Variants in MACROD2 observed in about 807,000 individuals in gnomAD.
MACROD2 encodes the protein ADP-ribose glycohydrolase MACROD2.
MACROD2 carries 36 observed loss-of-function variants against 70.4 expected under a neutral mutation model. The observed-to-expected ratio is 0.51, with a 90% CI of 0.39 to 0.68. The LOEUF (loss-of-function observed/expected upper bound fraction) is 0.68. Among genes scored for constraint, MACROD2 ranks in the 30% least tolerant of loss-of-function variants. The pLI is 0.00. For synonymous variants in MACROD2, 172 were observed against 178.8 expected (o/e 0.96, Z 0.30); for missense variants, 496 against 538.4 (o/e 0.92, Z 0.78).
intron 8 of MACROD2, among the ~76,000 whole-genome samples, chr20:15,697,347 T>C (rs1282352222): frequency 6.6e-6 from 1 of 152,198 alleles, no homozygotes; most frequent in Non-Finnish European, 1.5e-5. Context: ...TTAATTTCCA[T>C]GTATTTGCAT....
chr20:15,746,556 T>G (rs1281410035), intron 8 of MACROD2, among the ~76,000 whole-genome samples: 1 of 135,232 alleles, frequency 7.4e-6, no homozygotes, highest in Non-Finnish European at 1.6e-5. Context: ...GTTGTTTGGT[T>G]TCCAGTAAAA....
chr20:14,560,360 C>T (rs1482327261), intron 4 of MACROD2, among the ~76,000 whole-genome samples: 1 of 148,672 alleles, frequency 6.7e-6, no homozygotes, highest in Non-Finnish European at 1.5e-5. Context: ...TGTGTGTATA[C>T]ATGCCCGGAT....
chr20:16,044,524 A>C, intron 16 of MACROD2, 47 bp from the exon 17 acceptor site: 1 of 1,514,538 alleles, frequency 6.6e-7, no homozygotes, highest in African/African-American at 1.4e-5. Context: ...TGTCTCAGAG[A>C]TTTAGGTTTA....
intron 6 of MACROD2, chr20:15,280,866 C>T (rs1005191890): frequency 1.3e-5 from 2 of 152,196 alleles, no homozygotes; most frequent in African/African-American, 2.4e-5. Flanking sequence ...GGTGGCATGG[C>T]CTCTGTATTA....
chr20:15,680,382 T>G (rs975338750), intron 8 of MACROD2, among the ~76,000 whole-genome samples: 1 of 152,142 alleles, frequency 6.6e-6, no homozygotes, highest in Non-Finnish European at 1.5e-5. Context: ...TGCTTCCTTC[T>G]CCTCTCATCA....
At chr20:15,480,862 GCT>G (rs2047087742) in intron 7 of MACROD2, among the ~76,000 whole-genome samples, 1 of 152,018 alleles carries the variant, frequency 6.6e-6, no homozygotes, top group African/African-American at 2.4e-5. Flanking sequence ...CCCAGCTCCT[GCT>G]CTCTCTTGTT....
In MACROD2 at chr20:14,803,992, G is replaced by T. The variant is rs536861622; in HGVS notation, c.418+119033G>T. On this transcript the variant is annotated intron_variant, in intron 5 of 17. Transcript: ENST00000684519. ...AAACATTTATAATTTTACGTCATAAGTTGTGAACTTTAGTGACCATAACTT... is the reference window on the plus strand; with the variant it reads ...AAACATTTATAATTTTACGTCATAATTTGTGAACTTTAGTGACCATAACTT... Among the ~76,000 whole-genome samples, 52 of 152,124 alleles carry T rather than the reference G, an allele frequency of 3.4e-4. No homozygotes were observed. In the South Asian group the frequency reaches 3.5e-3, roughly 10 times the overall value.
intron 15 of MACROD2, among the ~76,000 whole-genome samples, chr20:15,999,758 G>A (rs1267078222): frequency 6.6e-6 from 1 of 152,114 alleles, no homozygotes; most frequent in Non-Finnish European, 1.5e-5. Flanking sequence ...TTTTAGTTAA[G>A]GTCTATTTTG....
intron 3 of MACROD2, among the ~76,000 whole-genome samples, chr20:14,394,337 G>A (rs1377560110): frequency 6.6e-6 from 1 of 152,122 alleles, no homozygotes; most frequent in African/African-American, 2.4e-5. Flanking sequence ...TCTTTTGTCA[G>A]ATTTATACCT....
intron 12 of MACROD2, among the ~76,000 whole-genome samples, chr20:15,940,034 G>T (rs933353029): frequency 2.0e-5 from 3 of 152,098 alleles, no homozygotes; most frequent in African/African-American, 7.2e-5. Context: ...AAAAAAAAGT[G>T]GTTTCTTGAG....
chr20:15,165,802 G>GT lies in MACROD2; in HGVS notation c.419-64131dup, dbSNP rs879394201. Among the ~76,000 whole-genome samples the GT allele has an allele frequency of 9.2e-5, 14 of 152,090 alleles. No homozygotes were observed. The East Asian group carries it at 9.7e-4, about 10-fold the overall frequency. On this transcript the variant is annotated intron_variant, in intron 5 of 17. Transcript: ENST00000684519. ...AAATGAAAAGTGTAAGAATATAAGGGTTTTTTTAACATTAAGAAATATATT... is the reference window on the plus strand; with the variant it reads ...AAATGAAAAGTGTAAGAATATAAGGGTTTTTTTTAACATTAAGAAATATATT...
chr20:15,254,508 G>A (rs912494944), intron 6 of MACROD2, among the ~76,000 whole-genome samples: 1 of 151,994 alleles, frequency 6.6e-6, no homozygotes, highest in African/African-American at 2.4e-5. Context: ...TTAATACTGG[G>A]AGCCCCACTT....
At chr20:15,278,122 A>G (rs2077409619) in intron 6 of MACROD2, among the ~76,000 whole-genome samples, 2 of 152,230 alleles carry the variant, frequency 1.3e-5, no homozygotes, top group African/African-American at 4.8e-5. Flanking sequence ...TACAGTTACA[A>G]AACATACTCT....
chr20:14,082,250 C>G (rs1442221768), intron 2 of MACROD2, among the ~76,000 whole-genome samples: 1 of 133,138 alleles, frequency 7.5e-6, no homozygotes, highest in Non-Finnish European at 1.5e-5. Context: ...ATGATCTCAG[C>G]TCACTGCAAC....
At chr20:14,189,526 T>G (rs1270986279) in intron 3 of MACROD2, among the ~76,000 whole-genome samples, 1 of 152,178 alleles carries the variant, frequency 6.6e-6, no homozygotes, top group Non-Finnish European at 1.5e-5. Context: ...TAAATTAGAG[T>G]TTTTAAGGTT....
chr20:14,113,383 T>C (rs2054476585), intron 3 of MACROD2, among the ~76,000 whole-genome samples: 1 of 152,078 alleles, frequency 6.6e-6, no homozygotes, highest in Non-Finnish European at 1.5e-5. Context: ...AAATTAAACT[T>C]CAGGGTAGGT....
rs150530563 is a variant in MACROD2, at chr20:15,292,236, A to C, written c.540+62175A>C. Among the ~76,000 whole-genome samples, 1,159 of 152,194 alleles carry C rather than the reference A, an allele frequency of 7.6e-3. 8 individuals are homozygous for C. Among genetic ancestry groups the C allele is most frequent in the Middle Eastern group, 0.017 (5 of 294 alleles). Reference sequence around the variant, plus strand: ...TTTTACAATAGAGGTAAAAAATTCCAACTCTGGTGCTTTGGAATTGTATAA... The same window carrying C: ...TTTTACAATAGAGGTAAAAAATTCCCACTCTGGTGCTTTGGAATTGTATAA... On this transcript the variant is annotated intron_variant, in intron 6 of 17. Transcript: ENST00000684519.
At chr20:15,694,675 T>C (rs1030623214) in intron 8 of MACROD2, among the ~76,000 whole-genome samples, 1 of 152,230 alleles carries the variant, frequency 6.6e-6, no homozygotes, top group Non-Finnish European at 1.5e-5. Flanking sequence ...ATTGTCTGTT[T>C]ACTCTGCTGA....
At chr20:15,825,529 C>T (rs766833053) in intron 8 of MACROD2, among the ~76,000 whole-genome samples, 58 of 151,390 alleles carry the variant, frequency 3.8e-4, no homozygotes, top group African/African-American at 1.2e-3. Flanking sequence ...GACAGAGCCT[C>T]GCTCTGTTGC....
Sources: gnomAD v4.1 joint callset for allele counts (sites outside exome capture counted in the v4.1 genomes callset) on GRCh38, gnomAD v4.1.1 for gene constraint, MANE v1.5 for transcripts, NCBI Gene and HGNC (gene_info 2026-07-23, HGNC 2026-07-21) for gene names.